CFAP65: variants seen among roughly 807,000 people sequenced by gnomAD.
CFAP65 encodes cilia- and flagella-associated protein 65.
A neutral mutation model predicts 208.0 loss-of-function variants in CFAP65; 155 were observed. That is an observed-to-expected ratio of 0.75 (90% CI 0.65 to 0.85). The LOEUF is 0.85. CFAP65 is among the 40% of genes least tolerant of loss of function. The probability of loss-of-function intolerance (pLI) is 0.00; values close to 1 mark genes in which losing one functional copy is unlikely to be tolerated. For missense variants in CFAP65, 2,294 were observed against 2,451.3 expected (o/e 0.94, Z 1.36); for synonymous variants, 970 against 986.3 (o/e 0.98, Z 0.31).
At chr2:219,012,230 C>T (rs1451931055) in intron 24 of CFAP65, among the ~76,000 whole-genome samples, 1 of 152,234 alleles carries the variant, frequency 6.6e-6, no homozygotes, top group Non-Finnish European at 1.5e-5. Context: ...GACTAAGACA[C>T]TTGGTGTCCA....
intron 32 of CFAP65, among the ~76,000 whole-genome samples, chr2:219,005,200 A>AT (rs1381654822): frequency 1.3e-5 from 2 of 151,798 alleles, no homozygotes; most frequent in African/African-American, 2.4e-5. Context: ...TAATTTTTGT[A>AT]TTTTTTGTAG....
intron 28 of CFAP65, 58 bp from the exon 29 acceptor site, chr2:219,009,212 G>A (rs1946255030): frequency 2.0e-6 from 3 of 1,533,192 alleles, no homozygotes; most frequent in Admixed American, 3.4e-5. Flanking sequence ...CGGGGCCTAT[G>A]CTGTGAGCCC....
intron 29 of CFAP65, among the ~76,000 whole-genome samples, chr2:219,007,870 G>T (rs533634996): frequency 6.6e-6 from 1 of 151,334 alleles, no homozygotes; most frequent in Non-Finnish European, 1.5e-5. Flanking sequence ...CCAGGCTGGA[G>T]TGCAGTGGTA....
intron 20 of CFAP65, 125 bp downstream of exon 20, chr2:219,019,381 G>T: frequency 9.3e-7 from 1 of 1,076,604 alleles, no homozygotes; most frequent in South Asian, 1.6e-5. Context: ...CGAGAACTGG[G>T]GAGCTCTTCC....
Position 219,028,218 on chromosome 2 carries a change from G to C in CFAP65, c.1834C>G (p.Leu612Val). 1 of 1,614,042 alleles carries C rather than the reference G, an allele frequency of 6.2e-7. No individual in the cohort carries two copies. Among genetic ancestry groups the C allele is most frequent in the Non-Finnish European group, 8.5e-7 (1 of 1,179,954 alleles). ...CACTGTACCTGGATGGGAATCATGA[G>C]AGCCCCGTTCTGGTCCTGTGCCAGC... is the stretch of plus-strand genomic sequence containing the variant. ...KKLAQDQNGA[L>V]MIPIQDLEDM... The change falls in exon 12 of 35, where the codon CTC (leucine) becomes GTC (valine). Residue 612 changes from leucine to valine, a missense_variant. Coordinates refer to ENST00000341552, the MANE Select transcript of CFAP65 (RefSeq NM_194302.4).
chr2:219,009,439 C>T lies in CFAP65; in HGVS notation c.4474G>A (p.Gly1492Arg), dbSNP rs535496816. 5 of 1,612,406 alleles carry T rather than the reference C, an allele frequency of 3.1e-6. No individual in the cohort carries two copies. In the African/African-American group the frequency reaches 5.3e-5, roughly 17 times the overall value. The part of the protein sequence containing the change: ...FGEVSVSPMI[G>R]VVAPEETVPF... ...ACCGTCTCTTCAGGAGCCACCACCCCTATCATGGGACTCACAGACACCTGT... is the reference window on the plus strand; with the variant it reads ...ACCGTCTCTTCAGGAGCCACCACCCTTATCATGGGACTCACAGACACCTGT... The change falls in exon 28 of 35, where the codon GGG becomes AGG. Residue 1492 changes from glycine to arginine, a missense_variant. Transcript: ENST00000341552.
intron 9 of CFAP65, 96 bp from the exon 10 acceptor site, chr2:219,030,304 G>T (rs543845996): frequency 1.5e-4 from 196 of 1,297,278 alleles, no homozygotes; most frequent in Admixed American, 1.1e-3. Flanking sequence ...CCTAGCCAAG[G>T]GGGTGGGGGC....
At chr2:219,039,119 T>A (rs879902831) in intron 2 of CFAP65, 69 bp from the exon 3 acceptor site, 1 of 1,330,400 alleles carries the variant, frequency 7.5e-7, no homozygotes, top group Non-Finnish European at 1.0e-6. Context: ...TGACTGTAGC[T>A]GAAATCATAT....
At chr2:219,014,114 C>G in intron 21 of CFAP65, 70 bp from the exon 22 acceptor site, 1 of 1,393,956 alleles carries the variant, frequency 7.2e-7, no homozygotes, top group East Asian at 2.3e-5. Context: ...GCTCTGAGAC[C>G]CTGATGGGCA....
At chr2:219,040,668 G>T in intron 1 of CFAP65, 104 bp from the exon 2 acceptor site, 13 of 1,518,868 alleles carry the variant, frequency 8.6e-6, no homozygotes, top group Non-Finnish European at 1.1e-5. Context: ...TGTACAGACA[G>T]CTCCTGCCTC....
At chr2:219,024,404 C>T (rs112707926) in intron 14 of CFAP65, 144 bp from the exon 15 acceptor site, 26 of 969,616 alleles carry the variant, frequency 2.7e-5, no homozygotes, top group East Asian at 6.1e-5. Flanking sequence ...GCCCTGGGAA[C>T]GGGGAATTGA....
At position 219,005,545 on chromosome 2, in the gene CFAP65, T is replaced by C; in HGVS notation, c.4940A>G (p.Lys1647Arg). The C allele has an allele frequency of 6.2e-7, 1 of 1,612,044 alleles. No individual in the cohort carries two copies. ...HFLHRELPKR[K>R]APREESETSE... ...AGTCTCTGACTCTTCCCTGGGGGCC[T>C]TCCTCTTTGGCAGCTCCCTGTGGCA... Residue 1647 changes from lysine (K) to arginine (R), a missense_variant, in exon 32 of 35, where the codon AAG becomes AGG. By Grantham distance (26) the Lys-to-Arg change is conservative. Around this residue, in one of 2 missense-constraint regions of CFAP65, gnomAD observed 1,427 missense variants for 1,438.7 expected, o/e 0.99. Transcript: ENST00000341552.
chr2:219,029,887 C>A, intron 10 of CFAP65, 99 bp downstream of exon 10: 2 of 1,271,644 alleles, frequency 1.6e-6, no homozygotes, highest in Non-Finnish European at 2.2e-6. Flanking sequence ...CAGGCTGAGG[C>A]AAGGTGGCCC....
At position 219,032,609 on chromosome 2, in the gene CFAP65, G is replaced by T; in HGVS notation, c.543-37C>A. The T allele has an allele frequency of 6.5e-7, 1 of 1,542,622 alleles. No homozygotes were observed. Among genetic ancestry groups the T allele is most frequent in the Non-Finnish European group, 8.8e-7 (1 of 1,135,484 alleles). ...AGCCGGTGGGGAGCACCTCAGATCA[G>T]GGCTCAGAACAACTGGAAGAGGCAG... On this transcript the variant is annotated intron_variant, in intron 5 of 34. Transcript: ENST00000341552. This position sits in a 1 kb window ranked among gnomAD's most constrained non-coding sequence, Gnocchi z 5.5.
At chr2:219,012,435 C>T (rs1171021833) in intron 24 of CFAP65, among the ~76,000 whole-genome samples, 3 of 152,148 alleles carry the variant, frequency 2.0e-5, no homozygotes, top group African/African-American at 7.2e-5. Flanking sequence ...AGAGGGGTAG[C>T]GGGTGGGTAT....
At chr2:219,029,271 G>A (rs1194131175) in intron 11 of CFAP65, 132 bp downstream of exon 11, 2 of 1,189,432 alleles carry the variant, frequency 1.7e-6, no homozygotes, top group Admixed American at 2.5e-5. Flanking sequence ...TGGGGCCCAG[G>A]AGTGGGAGAC....
intron 24 of CFAP65, among the ~76,000 whole-genome samples, chr2:219,011,459 T>A (rs1216730626): frequency 1.3e-5 from 2 of 151,862 alleles, no homozygotes; most frequent in Admixed American, 6.6e-5. Context: ...ATATATATAT[T>A]TTTTAGAGAT....
In CFAP65 at chr2:219,004,294, C is replaced by T. The variant is rs1945783179; in HGVS notation, c.5213G>A (p.Trp1738Ter). The change falls in exon 33 of 35, where the codon TGG (tryptophan) becomes TAG (stop). Residue 1738 changes from tryptophan (W) to a stop codon, truncating the protein, a stop_gained. Transcript: ENST00000341552. LOFTEE classifies it high-confidence loss of function. The surrounding 1 kb of genome is among the most constrained non-coding windows in gnomAD (Gnocchi z 4.7). ...CGGCTGCTTGCCCTTCCCATCCTCCCAGCTGCTGGAGGGTACAGGCAGGAT... is the reference window on the plus strand; with the variant it reads ...CGGCTGCTTGCCCTTCCCATCCTCCTAGCTGCTGGAGGGTACAGGCAGGAT... Reference protein sequence around the residue: ...MPILPVPSSSWEDGKGKQPKE... With the variant: ...MPILPVPSSS The T allele has an allele frequency of 6.2e-7, 1 of 1,614,030 alleles. No homozygotes were observed. Among genetic ancestry groups the T allele is most frequent in the South Asian group, 1.1e-5 (1 of 91,088 alleles).
At chr2:219,023,563 C>A in intron 15 of CFAP65, 132 bp from the exon 16 acceptor site, 1 of 663,074 alleles carries the variant, frequency 1.5e-6, no homozygotes, top group Non-Finnish European at 2.7e-6. Context: ...TCTGCCAGCC[C>A]GTGTACCGGC....
Sources: gnomAD v4.1 joint callset for allele counts (sites outside exome capture counted in the v4.1 genomes callset) on GRCh38, gnomAD v4.1.1 for gene constraint, gnomAD v4.1.1 regional missense constraint, Gnocchi (gnomAD v3.1) non-coding constraint, MANE v1.5 for transcripts, NCBI Gene and HGNC (gene_info 2026-07-23, HGNC 2026-07-21) for gene names.